The following HECW2 variants were observed in gnomAD, a reference collection of about 807,000 sequenced individuals.
The protein encoded by HECW2 is E3 ubiquitin-protein ligase HECW2.
HECW2 carries 61 observed loss-of-function variants against 175.2 expected under a neutral mutation model. That is an observed-to-expected ratio of 0.35 (90% confidence interval 0.28 to 0.43). The LOEUF is 0.43. Among genes scored for constraint, HECW2 ranks in the 20% least tolerant of loss-of-function variants. The pLI, the probability that HECW2 is intolerant of heterozygous loss-of-function variation, is 1.00. For synonymous variants in HECW2, 671 were observed against 731.0 expected (o/e 0.92, Z 1.32); for missense variants, 1,524 against 2,000.5 (o/e 0.76, Z 4.54).
At chr2:196,251,229 C>T (rs1178214845) in intron 19 of HECW2, among the ~76,000 whole-genome samples, 1 of 152,150 alleles carries the variant, frequency 6.6e-6, no homozygotes, top group Admixed American at 6.5e-5. Context: ...TCTGTGAAAC[C>T]CGGCTCCCCT....
At chr2:196,412,903 TAG>T (rs1313609200) in intron 2 of HECW2, among the ~76,000 whole-genome samples, 7 of 152,214 alleles carry the variant, frequency 4.6e-5, no homozygotes, top group Non-Finnish European at 8.8e-5. Context: ...CCCTCTGAAT[TAG>T]GAAATTATTA....
Position 196,210,280 on chromosome 2 carries a change from A to G in HECW2, c.4607+5585T>C, listed in dbSNP as rs76006112. Reference sequence around the variant, plus strand: ...TGTTTTAAAATGTGTGTGTGTGTGTATGTGTGTGTCTGTGTGCCTGTGTGT... The same window carrying G: ...TGTTTTAAAATGTGTGTGTGTGTGTGTGTGTGTGTCTGTGTGCCTGTGTGT... On this transcript the variant is annotated intron_variant, in intron 28 of 28. Transcript: ENST00000644978. Among the ~76,000 whole-genome samples, 52 of 81,908 alleles carry G rather than the reference A, an allele frequency of 6.3e-4. 1 individual carries two copies. The highest frequency in any genetic ancestry group is 3.1e-3 in the South Asian group (6 of 1,926). The allele number at this position is 81,908 out of a possible 152,430, so 53.7% of individuals were successfully genotyped here.
At chr2:196,483,594 T>A (rs79283505) in intron 1 of HECW2, among the ~76,000 whole-genome samples, 3,259 of 152,294 alleles carry the variant, frequency 0.021, 109 homozygotes, top group African/African-American at 0.073. Flanking sequence ...GAACACACCA[T>A]CACCTCTAAA....
intron 1 of HECW2, among the ~76,000 whole-genome samples, chr2:196,497,007 T>TG (rs1468508425): frequency 1.3e-5 from 2 of 152,194 alleles, no homozygotes; most frequent in Non-Finnish European, 2.9e-5. Context: ...CTCAGTTAAG[T>TG]GGGGTAGACA....
chr2:196,197,188 TA>T lies in HECW2; in HGVS notation c.*4088del, dbSNP rs1450501685. 3 of 152,082 alleles carry T rather than the reference TA, an allele frequency of 2.0e-5. No individual in the cohort carries two copies. The highest frequency in any genetic ancestry group is 2.9e-5 in the Non-Finnish European group (2 of 68,002). The allele number at this position is 152,082 out of a possible 1,614,324, so 9.4% of individuals were successfully genotyped here. A position where few individuals can be genotyped will look rare whatever the true frequency, so the allele number is the denominator to read the frequency against. On this transcript the variant is annotated 3_prime_UTR_variant, in exon 29 of 29. Transcript: ENST00000644978. ...ATTATGCAGGGTTACAGATACCTCT[TA>T]ATAATGGCATTGCATCATTTCACAT...
At chr2:196,310,754 C>T (rs565153947) in intron 10 of HECW2, among the ~76,000 whole-genome samples, 31 of 73,526 alleles carry the variant, frequency 4.2e-4, no homozygotes, top group Admixed American at 1.7e-3. Context: ...GCAGTGAAAA[C>T]GAGAGCAACG....
intron 4 of HECW2, 71 bp from the exon 5 acceptor site, chr2:196,329,721 G>T: frequency 8.2e-7 from 1 of 1,213,202 alleles, no homozygotes; most frequent in Non-Finnish European, 1.2e-6. Context: ...AGGAAACCAT[G>T]TATGTTCCTA....
At chr2:196,337,560 G>A (rs1374299369) in intron 3 of HECW2, among the ~76,000 whole-genome samples, 9 of 65,186 alleles carry the variant, frequency 1.4e-4, no homozygotes, top group Non-Finnish European at 2.8e-4. Context: ...CAAATTATGG[G>A]AAAAAAATAA....
chr2:196,478,649 T>A lies in HECW2; in HGVS notation c.-35-45191A>T, dbSNP rs1416081296. 2.0e-5 allele frequency among the ~76,000 whole-genome samples: 3 copies of A among 151,830 alleles called. No homozygotes were observed. The South Asian group carries it at 6.3e-4, about 32-fold the overall frequency. On this transcript the variant is annotated intron_variant, in intron 1 of 28. Transcript: ENST00000644978. ...GAAGAACTTATCATTAAAAAAAGTA[T>A]GTCAAAAGAGTCAGAGGAGACCCCC...
chr2:196,234,908 G>A (rs1454107792), intron 21 of HECW2, among the ~76,000 whole-genome samples: 1 of 152,100 alleles, frequency 6.6e-6, no homozygotes, highest in African/African-American at 2.4e-5. Flanking sequence ...ACCAGATTAA[G>A]TTGTGTGGAA....
chr2:196,309,215 C>T (rs1463288814), intron 10 of HECW2, among the ~76,000 whole-genome samples: 1 of 152,168 alleles, frequency 6.6e-6, no homozygotes, highest in East Asian at 1.9e-4. Context: ...TAGAGCTCAG[C>T]CTGCACCAGA....
intron 28 of HECW2, among the ~76,000 whole-genome samples, chr2:196,206,423 A>T (rs1450866149): frequency 6.6e-6 from 1 of 152,236 alleles, no homozygotes; most frequent in East Asian, 1.9e-4. Context: ...TTCCCTACAG[A>T]TAGACAAGTC....
chr2:196,557,253 G>A (rs751360951), intron 1 of HECW2, among the ~76,000 whole-genome samples: 1 of 152,012 alleles, frequency 6.6e-6, no homozygotes, highest in Non-Finnish European at 1.5e-5. Flanking sequence ...AAATTAGCAG[G>A]GCGTGGTGGC....
chr2:196,310,541 C>T (rs1043393200), intron 10 of HECW2, among the ~76,000 whole-genome samples: 1 of 152,186 alleles, frequency 6.6e-6, no homozygotes, highest in African/African-American at 2.4e-5. Context: ...TTGCTGGGTA[C>T]AACTGCTCCA....
rs553196293 is a variant in HECW2 at position 196,245,189 on chromosome 2, CAAT to C, written c.3530-2988_3530-2986del. ...GATGATAATATAAAGTGTATTTAAA[CAAT>C]AACAACAGGTCTTACTTGTTAAGCG... On this transcript the variant is annotated intron_variant, in intron 19 of 28. Coordinates refer to ENST00000644978, the MANE Select transcript of HECW2 (RefSeq NM_001348768.2). Among the ~76,000 whole-genome samples the C allele has an allele frequency of 7.2e-5, 11 of 152,306 alleles. No homozygotes were observed. The South Asian group carries it at 2.1e-3, about 29-fold the overall frequency.
chr2:196,529,582 T>C (rs1237903972), intron 1 of HECW2, among the ~76,000 whole-genome samples: 4 of 152,174 alleles, frequency 2.6e-5, no homozygotes, highest in Admixed American at 2.6e-4. Context: ...AAATATTACA[T>C]TGTTATGAAT....
chr2:196,424,030 C>T (rs185064760), intron 2 of HECW2, among the ~76,000 whole-genome samples: 2 of 151,870 alleles, frequency 1.3e-5, no homozygotes, highest in Admixed American at 6.6e-5. Flanking sequence ...TCTGTTGGTG[C>T]CATTTCTTTT....
At chr2:196,531,824 TAGAG>T (rs1293183307) in intron 1 of HECW2, among the ~76,000 whole-genome samples, 1 of 152,212 alleles carries the variant, frequency 6.6e-6, no homozygotes, top group East Asian at 1.9e-4. Context: ...ATTGTCTTCT[TAGAG>T]AGACTCTCCC....
Position 196,271,305 on chromosome 2 carries a change from GA to G in HECW2, c.3239-17del, listed in dbSNP as rs962178434. The stretch of plus-strand genomic sequence containing the variant: ...TCATTGTAAGCTGAAAAAAAAATCA[GA>G]AAAGACAACAATTTAAAAAAGAATC... On this transcript the variant is annotated splice_polypyrimidine_tract_variant and intron_variant, in intron 16 of 28. Coordinates refer to ENST00000644978, the MANE Select transcript of HECW2 (RefSeq NM_001348768.2). 2 of 1,512,866 alleles carry G rather than the reference GA, an allele frequency of 1.3e-6. No homozygotes were observed. The highest frequency in any genetic ancestry group is 2.8e-5 in the African/African-American group (2 of 72,500). The allele number at this position is 1,512,866 out of a possible 1,614,324, so 93.7% of individuals were successfully genotyped here.
Sources: gnomAD v4.1 joint callset for allele counts (sites outside exome capture counted in the v4.1 genomes callset) on GRCh38, gnomAD v4.1.1 for gene constraint, MANE v1.5 for transcripts, NCBI Gene and HGNC (gene_info 2026-07-23, HGNC 2026-07-21) for gene names.